CHD9: variants seen among roughly 807,000 people sequenced by gnomAD.
The protein encoded by CHD9 is ATP-dependent chromatin remodeler CHD9.
In CHD9, 77 loss-of-function variants were observed where a neutral mutation model predicts 316.1. That is an observed-to-expected ratio of 0.24 (90% confidence interval 0.20 to 0.29). The LOEUF (loss-of-function observed/expected upper bound fraction) is 0.29. CHD9 is among the 10% of genes least tolerant of loss of function. CHD9 has a pLI of 1.00. For missense variants in CHD9, 2,763 were observed against 3,438.1 expected (o/e 0.80, Z 4.91); for synonymous variants, 1,129 against 1,158.3 (o/e 0.97, Z 0.51).
At chr16:53,247,069 C>T (rs1407095908) in intron 15 of CHD9, among the ~76,000 whole-genome samples, 1 of 152,076 alleles carries the variant, frequency 6.6e-6, no homozygotes, top group Non-Finnish European at 1.5e-5. Flanking sequence ...TCTGAGGAGA[C>T]AAAAAGATGT....
At chr16:53,323,971 T>C (rs370869265) in intron 38 of CHD9, 49 bp from the exon 39 acceptor site, 82 of 1,442,664 alleles carry the variant, frequency 5.7e-5, no homozygotes, top group Non-Finnish European at 7.7e-5. Flanking sequence ...TAATAACTCT[T>C]TATTTTATTT....
rs560915129 is a variant in CHD9 at position 53,073,859 on chromosome 16, A to G, written c.-165+18782A>G. On this transcript the variant is annotated intron_variant, in intron 1 of 38. Transcript: ENST00000447540. ...ATGTCTTTATCAGCAGTGTAAAAAC[A>G]GACTAATACAGTAAATTGGTACCAG... Among the ~76,000 whole-genome samples, 73 of 152,306 alleles carry G rather than the reference A, an allele frequency of 4.8e-4. 1 individual carries two copies. The South Asian group carries it at 8.3e-3, about 17-fold the overall frequency.
chr16:53,132,160 C>T (rs900287838), intron 1 of CHD9, among the ~76,000 whole-genome samples: 10 of 151,612 alleles, frequency 6.6e-5, no homozygotes, highest in Middle Eastern at 6.8e-3. Flanking sequence ...CTTTTCAGAA[C>T]AAAGTAGATG....
intron 18 of CHD9, 104 bp downstream of exon 18, chr16:53,254,709 A>T: frequency 1.0e-6 from 1 of 990,878 alleles, no homozygotes; most frequent in Non-Finnish European, 1.4e-6. Context: ...AATACTAAAC[A>T]CATTTGTTTT....
At chr16:53,183,356 GTA>G (rs2043691866) in intron 2 of CHD9, among the ~76,000 whole-genome samples, 1 of 152,002 alleles carries the variant, frequency 6.6e-6, no homozygotes, top group South Asian at 2.1e-4. Context: ...CATCTTTTCA[GTA>G]TATGTTTCTG....
At chr16:53,093,696 C>A (rs181751309) in intron 1 of CHD9, among the ~76,000 whole-genome samples, 189 of 152,290 alleles carry the variant, frequency 1.2e-3, no homozygotes, top group Non-Finnish European at 2.2e-3. Flanking sequence ...TGATTGTCCG[C>A]ATTGTACAGA....
rs57955308 is a variant in CHD9 at position 53,326,870 on chromosome 16, TA to T, written c.*1989del. ...ATCTTTATTCCTTCCTTTCGCCAAT[TA>T]AAAAAAAAAAAAAGGAAAAAAAATC... On this transcript the variant is annotated 3_prime_UTR_variant, in exon 39 of 39. Transcript: ENST00000447540. 5,840 of 134,712 alleles carry T rather than the reference TA, an allele frequency of 0.043. 113 individuals carry two copies. Among genetic ancestry groups the T allele is most frequent in the South Asian group, 0.075 (323 of 4,280 alleles). 8.3% of individuals were successfully genotyped at this position (134,712 alleles called of 1,614,324 possible).
chr16:53,220,093 A>G (rs1398535321), intron 3 of CHD9, among the ~76,000 whole-genome samples: 1 of 152,230 alleles, frequency 6.6e-6, no homozygotes, highest in East Asian at 1.9e-4. Context: ...AAAAGGGACT[A>G]GAACAGAGAG....
intron 1 of CHD9, among the ~76,000 whole-genome samples, chr16:53,060,423 G>A (rs973209430): frequency 2.0e-5 from 3 of 152,126 alleles, no homozygotes; most frequent in Admixed American, 1.3e-4. Flanking sequence ...AGGTCAGCCT[G>A]GGCAACATAG....
intron 5 of CHD9, 44 bp from the exon 6 acceptor site, chr16:53,227,352 T>C: frequency 7.5e-7 from 1 of 1,327,322 alleles, no homozygotes; most frequent in Non-Finnish European, 1.0e-6. Context: ...CTAAAAGATC[T>C]TTCAGAATGT....
At chr16:53,097,093 C>T (rs768235796) in intron 1 of CHD9, among the ~76,000 whole-genome samples, 7 of 152,124 alleles carry the variant, frequency 4.6e-5, no homozygotes, top group African/African-American at 7.2e-5. Context: ...GACAAATATT[C>T]AACCCACAGC....
intron 1 of CHD9, among the ~76,000 whole-genome samples, chr16:53,128,582 C>A (rs979705258): frequency 1.3e-5 from 2 of 152,118 alleles, no homozygotes; most frequent in African/African-American, 4.8e-5. Context: ...AAATGGTAGG[C>A]CAGTGTTGCT....
intron 4 of CHD9, among the ~76,000 whole-genome samples, chr16:53,223,278 A>G (rs1196472636): frequency 1.4e-5 from 2 of 145,748 alleles, no homozygotes; most frequent in Admixed American, 6.9e-5. Flanking sequence ...GAATAGGTGG[A>G]TATTCAAAAT....
rs748936305 is a variant in CHD9 at position 53,112,993 on chromosome 16, C to A, written c.-164-42933C>A. ...CTCCAGCCTAGGTGACAGAGCGAGA[C>A]CCTCTAAAGACAAAACAAAACAAAT... On this transcript the variant is annotated intron_variant, in intron 1 of 38. Coordinates refer to ENST00000447540, the MANE Select transcript of CHD9 (RefSeq NM_001308319.2). Among the ~76,000 whole-genome samples, 11 of 152,084 alleles carry A rather than the reference C, an allele frequency of 7.2e-5. No individual in the cohort carries two copies. In the East Asian group the frequency reaches 1.3e-3, roughly 19 times the overall value.
chr16:53,239,194 A>G (rs745669929), intron 12 of CHD9, among the ~76,000 whole-genome samples: 6 of 152,114 alleles, frequency 3.9e-5, no homozygotes, highest in East Asian at 1.9e-4. Flanking sequence ...TACTTTGACC[A>G]CTTACTCTTT....
At chr16:53,118,343 G>C (rs952327543) in intron 1 of CHD9, among the ~76,000 whole-genome samples, 1 of 151,566 alleles carries the variant, frequency 6.6e-6, no homozygotes, top group Non-Finnish European at 1.5e-5. Flanking sequence ...CTTGACCCTG[G>C]GAGGCGGAGG....
At chr16:53,202,307 G>A (rs1213174840) in intron 2 of CHD9, among the ~76,000 whole-genome samples, 1 of 151,914 alleles carries the variant, frequency 6.6e-6, no homozygotes. Context: ...GCTGGTTCAG[G>A]CCAATATCTA....
intron 1 of CHD9, among the ~76,000 whole-genome samples, chr16:53,077,472 C>T (rs945038378): frequency 1.3e-5 from 2 of 151,704 alleles, no homozygotes; most frequent in East Asian, 3.9e-4. Flanking sequence ...TACAGGCACC[C>T]GCCACCACGC....
chr16:53,085,973 T>C (rs2035427266), intron 1 of CHD9, among the ~76,000 whole-genome samples: 1 of 152,200 alleles, frequency 6.6e-6, no homozygotes, highest in Admixed American at 6.5e-5. Context: ...AGATTTTTCA[T>C]GCAGTTTAGG....
Sources: gnomAD v4.1 joint callset for allele counts (sites outside exome capture counted in the v4.1 genomes callset) on GRCh38, gnomAD v4.1.1 for gene constraint, MANE v1.5 for transcripts, NCBI Gene and HGNC (gene_info 2026-07-23, HGNC 2026-07-21) for gene names.